Variants in SHCBP1 observed in about 807,000 individuals in gnomAD.
The protein encoded by SHCBP1 is SHC SH2 domain-binding protein 1.
Under a neutral mutation model 75.1 loss-of-function variants are expected in SHCBP1, and 60 were observed. The observed-to-expected ratio is 0.80, with a 90% CI of 0.65 to 0.99. The LOEUF (loss-of-function observed/expected upper bound fraction) is 0.99. Ranked by LOEUF, SHCBP1 falls within the 50% of genes least tolerant of loss-of-function variation. The pLI, the probability that SHCBP1 is intolerant of heterozygous loss-of-function variation, is 0.00. For missense variants in SHCBP1, 709 were observed against 809.4 expected, an observed-to-expected ratio of 0.88 and a Z score of 1.50; for synonymous variants, 290 against 293.2, an observed-to-expected ratio of 0.99 and a Z score of 0.11.
rs781330593 is a variant in SHCBP1 at position 46,603,651 on chromosome 16, A to C, written c.1101T>G (p.Ser367Arg). The C allele has an allele frequency of 1.2e-6, 2 of 1,614,144 alleles. No individual in the cohort carries two copies. Among genetic ancestry groups the C allele is most frequent in the Admixed American group, 3.3e-5 (2 of 59,996 alleles). Residue 367 changes from serine to arginine, a missense_variant, in exon 8 of 13, where the codon AGT becomes AGG. Ser to Arg is a moderately radical substitution (Grantham distance 110, BLOSUM62 -1). Coordinates refer to ENST00000303383, the MANE Select transcript of SHCBP1 (RefSeq NM_024745.5). ...GEEEREIQFH[S>R]DPLSAINACF... is the part of the protein sequence containing the mutation. ...AGGCATTTATAGCAGACAATGGATCACTATGGAACTAGAAAACAATAAGAA... is the reference window on the plus strand; with the variant it reads ...AGGCATTTATAGCAGACAATGGATCCCTATGGAACTAGAAAACAATAAGAA...
chr16:46,605,761 T>C (rs1434924863), intron 5 of SHCBP1, among the ~76,000 whole-genome samples: 1 of 152,054 alleles, frequency 6.6e-6, no homozygotes. Context: ...AATTTAGTCA[T>C]GCTCTAAATA....
intron 10 of SHCBP1, among the ~76,000 whole-genome samples, chr16:46,593,123 T>A (rs1965077518): frequency 6.6e-6 from 1 of 150,852 alleles, no homozygotes. Flanking sequence ...GCCAGTGCAA[T>A]AAGGCAAGGG....
At chr16:46,603,518 T>C (rs1965274948) in intron 8 of SHCBP1, 21 bp downstream of exon 8, 1 of 1,613,778 alleles carries the variant, frequency 6.2e-7, no homozygotes, top group African/African-American at 1.3e-5. Flanking sequence ...GAGAGTTTGG[T>C]TGTGTGTCTT....
intron 8 of SHCBP1, 39 bp downstream of exon 8, chr16:46,603,500 T>C: frequency 6.2e-7 from 1 of 1,612,766 alleles, no homozygotes; most frequent in East Asian, 2.2e-5. Context: ...CTTAAACATA[T>C]CACGTGTGAG....
chr16:46,592,091 A>C (rs1205585026), intron 10 of SHCBP1, among the ~76,000 whole-genome samples: 1 of 152,048 alleles, frequency 6.6e-6, no homozygotes, highest in Non-Finnish European at 1.5e-5. Flanking sequence ...GAATGAAATC[A>C]TAAAAAGAAC....
chr16:46,599,949 T>C lies in SHCBP1; in HGVS notation c.1227A>G (p.Pro409=). 1 of 1,613,510 alleles carries C rather than the reference T, an allele frequency of 6.2e-7. No individual in the cohort carries two copies. The highest frequency in any genetic ancestry group is 1.3e-5 in the African/African-American group (1 of 75,006). The change falls in exon 9 of 13, where the codon CCA becomes CCG. Residue 409 remains proline (P), a synonymous_variant. Transcript: ENST00000303383. ...CCCTCTTTTCTATCACAATGTCATC[T>C]GGTAGGCCATATCCTAAGGAAGAGA... ...DSIELEGYGL[P]DDIVIEKRGK... is the part of the protein sequence containing the mutation.
At chr16:46,602,883 G>A (rs1267537600) in intron 8 of SHCBP1, among the ~76,000 whole-genome samples, 1 of 152,002 alleles carries the variant, frequency 6.6e-6, no homozygotes, top group African/African-American at 2.4e-5. Flanking sequence ...TGCCCACCTC[G>A]GCCTCCCAAA....
intron 10 of SHCBP1, among the ~76,000 whole-genome samples, chr16:46,589,471 C>T (rs1965005077): frequency 6.6e-6 from 1 of 152,204 alleles, no homozygotes. Flanking sequence ...GCAACTTCAG[C>T]AAAGTCTCAG....
chr16:46,598,085 T>C (rs1965171607), intron 9 of SHCBP1, among the ~76,000 whole-genome samples: 1 of 152,198 alleles, frequency 6.6e-6, no homozygotes, highest in Non-Finnish European at 1.5e-5. Context: ...ACTTCCTCCA[T>C]TCAAGTCTTG....
At chr16:46,603,838 A>C in intron 7 of SHCBP1, 137 bp downstream of exon 7, 1 of 1,286,568 alleles carries the variant, frequency 7.8e-7, no homozygotes, top group South Asian at 1.5e-5. Flanking sequence ...TGCTGATGAA[A>C]GGCAGGGCTC....
chr16:46,610,756 G>A (rs921431049), intron 4 of SHCBP1, among the ~76,000 whole-genome samples: 2 of 151,060 alleles, frequency 1.3e-5, no homozygotes, highest in Admixed American at 6.6e-5. Flanking sequence ...ATGGGGTTTC[G>A]CCATGTTGTC....
rs1212631976 is a variant in SHCBP1 at position 46,579,039 on chromosome 16, T to C, written c.*2690A>G. Among the ~76,000 whole-genome samples, 2 of 152,198 alleles carry C rather than the reference T, an allele frequency of 1.3e-5. No individual in the cohort carries two copies. The highest frequency in any genetic ancestry group is 4.8e-5 in the African/African-American group (2 of 41,446). On this transcript the variant is annotated 3_prime_UTR_variant, in exon 13 of 13. Transcript: ENST00000303383. ...TGGGCAGTTTTTAAAAATATATTCG[T>C]GTTAATATCTATGGTGCAATAATAC... is the stretch of plus-strand genomic sequence containing the variant.
At chr16:46,588,238 C>A (rs1159482974) in intron 10 of SHCBP1, among the ~76,000 whole-genome samples, 1 of 151,718 alleles carries the variant, frequency 6.6e-6, no homozygotes. Flanking sequence ...AAATTGACAC[C>A]CTAACATCAC....
intron 5 of SHCBP1, among the ~76,000 whole-genome samples, chr16:46,606,780 A>G (rs1432045575): frequency 1.3e-5 from 2 of 152,128 alleles, no homozygotes; most frequent in Non-Finnish European, 2.9e-5. Context: ...AATCACACAT[A>G]CATAATTCTA....
chr16:46,608,853 A>C (rs990996947), intron 4 of SHCBP1, among the ~76,000 whole-genome samples: 5 of 151,538 alleles, frequency 3.3e-5, no homozygotes, highest in African/African-American at 1.2e-4. Context: ...CCCGCCTCGG[A>C]CTCCCAAAGT....
chr16:46,618,192 A>G lies in SHCBP1; in HGVS notation c.271+13T>C. The G allele has an allele frequency of 6.3e-7, 1 of 1,575,956 alleles. No individual in the cohort carries two copies. Among genetic ancestry groups the G allele is most frequent in the South Asian group, 1.2e-5 (1 of 84,072 alleles). On this transcript the variant is annotated intron_variant, in intron 2 of 12. Transcript: ENST00000303383. Reference sequence around the variant, plus strand: ...ACTCCATCTCAAAAAAAAAAAGCAAAAAACCTACTCACCTAAAATGTAATC... The same window carrying G: ...ACTCCATCTCAAAAAAAAAAAGCAAGAAACCTACTCACCTAAAATGTAATC...
chr16:46,620,268 A>G (rs1015162202), intron 1 of SHCBP1, among the ~76,000 whole-genome samples: 60 of 152,266 alleles, frequency 3.9e-4, no homozygotes, highest in African/African-American at 1.3e-3. Flanking sequence ...TACTGTAATA[A>G]TAATACAGTA....
At chr16:46,611,817 T>C (rs1965420599) in intron 4 of SHCBP1, among the ~76,000 whole-genome samples, 1 of 152,206 alleles carries the variant, frequency 6.6e-6, no homozygotes. Flanking sequence ...ATACAGGTTG[T>C]CAACCTGATC....
intron 12 of SHCBP1, 35 bp downstream of exon 12, chr16:46,583,481 T>C (rs558909796): frequency 1.4e-5 from 22 of 1,565,184 alleles, no homozygotes; most frequent in Middle Eastern, 1.8e-4. Context: ...AAATAAATTA[T>C]GTCTGGTTTT....
Sources: gnomAD v4.1 joint callset for allele counts (sites outside exome capture counted in the v4.1 genomes callset) on GRCh38, gnomAD v4.1.1 for gene constraint, MANE v1.5 for transcripts, NCBI Gene and HGNC (gene_info 2026-07-23, HGNC 2026-07-21) for gene names.